Variants in PTCD2 observed in about 807,000 individuals in gnomAD.
PTCD2 encodes the protein pentatricopeptide repeat domain 2.
A neutral mutation model predicts 42.6 loss-of-function variants in PTCD2; 31 were observed. The ratio of observed to expected loss-of-function variants is 0.73; its 90% CI spans 0.55 to 0.98. The LOEUF is 0.98. PTCD2 is among the 50% of genes least tolerant of loss of function. PTCD2 has a pLI of 0.00. For synonymous variants in PTCD2, 183 were observed against 170.9 expected (o/e 1.07, Z -0.55); for missense variants, 476 against 454.8 (o/e 1.05, Z -0.42).
In PTCD2 at chr5:72,338,755, A is replaced by T. The variant is rs764196066; in HGVS notation, c.753+20A>T. 5 of 1,422,586 alleles carry T rather than the reference A, an allele frequency of 3.5e-6. No homozygotes were observed. The East Asian group carries it at 1.1e-4, about 32-fold the overall frequency. The allele number at this position is 1,422,586 out of a possible 1,614,324, so 88.1% of individuals were successfully genotyped here. A position where few individuals can be genotyped will look rare whatever the true frequency, so the allele number is the denominator to read the frequency against. On this transcript the variant is annotated intron_variant, in intron 7 of 9. Transcript: ENST00000380639. ...AATCAGGTAAAGCCTTGTGGTGTAC[A>T]TAAGTAAATTGGGAGTGGCCAGGAC...
chr5:72,335,684 T>C, intron 5 of PTCD2, 110 bp from the exon 6 acceptor site: 1 of 566,430 alleles, frequency 1.8e-6, no homozygotes. Context: ...AGGAATAGCT[T>C]TTATTTTGTT....
intron 2 of PTCD2, among the ~76,000 whole-genome samples, chr5:72,323,960 T>C (rs1751000216): frequency 6.6e-6 from 1 of 152,128 alleles, no homozygotes. Context: ...CTCCATTCCC[T>C]CACAATTCAG....
Position 72,338,715 on chromosome 5 carries a change from GT to G in PTCD2, c.734del (p.Val245GlyfsTer3). 1 of 1,608,534 alleles carries G rather than the reference GT, an allele frequency of 6.2e-7. No individual in the cohort carries two copies. Among genetic ancestry groups the G allele is most frequent in the South Asian group, 1.1e-5 (1 of 90,882 alleles). On this transcript the variant is annotated frameshift_variant, in exon 7 of 10. Coordinates refer to ENST00000380639, the MANE Select transcript of PTCD2 (RefSeq NM_024754.5). LOFTEE classifies it high-confidence loss of function. ...CTCCAGGAGAGCATCCTGTTTCGCT[GT>G]GGCATTAGCTCTGAATCAGGTAAAG... ...ILSRRASCFAVALALNQNEMA... is the reference protein window; with the variant it reads ...ILSRRASCFAXALALNQNEMA...
chr5:72,340,254 A>T (rs1400715221), intron 7 of PTCD2, among the ~76,000 whole-genome samples: 1 of 152,178 alleles, frequency 6.6e-6, no homozygotes, highest in Admixed American at 6.5e-5. Flanking sequence ...AATATAAGTA[A>T]TGGTGAAATT....
intron 1 of PTCD2, among the ~76,000 whole-genome samples, chr5:72,321,578 T>A (rs934218489): frequency 1.3e-5 from 2 of 152,238 alleles, no homozygotes; most frequent in African/African-American, 4.8e-5. Context: ...TTTTATCTCA[T>A]GCACAGCCAA....
At chr5:72,338,788 CT>C in intron 7 of PTCD2, 53 bp downstream of exon 7, 3 of 975,380 alleles carry the variant, frequency 3.1e-6, no homozygotes, top group South Asian at 2.9e-5. Flanking sequence ...GACTTCATTA[CT>C]TTTATTCGTC....
At chr5:72,336,797 G>A (rs897441830) in intron 6 of PTCD2, among the ~76,000 whole-genome samples, 1 of 151,848 alleles carries the variant, frequency 6.6e-6, no homozygotes, top group African/African-American at 2.4e-5. Context: ...AATGTTTAGT[G>A]AATGATCATT....
intron 6 of PTCD2, 64 bp downstream of exon 6, chr5:72,335,949 C>T: frequency 1.1e-6 from 1 of 879,666 alleles, no homozygotes; most frequent in South Asian, 1.6e-5. Flanking sequence ...GATTTTTCTT[C>T]TCTCTACAAA....
intron 2 of PTCD2, among the ~76,000 whole-genome samples, chr5:72,324,638 C>T (rs1400490956): frequency 2.6e-5 from 4 of 152,196 alleles, no homozygotes; most frequent in Non-Finnish European, 5.9e-5. Context: ...CTTCTGTCCA[C>T]TCTGAGTTGT....
At position 72,364,382 on chromosome 5, in the gene PTCD2, G is replaced by A. The variant is rs533602220; in HGVS notation, c.*5955G>A. 1 of 152,352 alleles carries A rather than the reference G, an allele frequency of 6.6e-6. No individual in the cohort carries two copies. Among genetic ancestry groups the A allele is most frequent in the South Asian group, 2.1e-4 (1 of 4,832 alleles). 9.4% of individuals were successfully genotyped at this position (152,352 alleles called of 1,614,324 possible). A position where few individuals can be genotyped will look rare whatever the true frequency, so the allele number is the denominator to read the frequency against. On this transcript the variant is annotated 3_prime_UTR_variant, in exon 10 of 10. Transcript: ENST00000380639. ...TAATCTTCATATCACCCTGTGGCAT[G>A]TATAAAGGAAGACCTTTTGCTGGTG... is the stretch of plus-strand genomic sequence containing the variant.
intron 9 of PTCD2, among the ~76,000 whole-genome samples, chr5:72,356,062 A>G (rs973875793): frequency 6.6e-6 from 1 of 152,126 alleles, no homozygotes; most frequent in Non-Finnish European, 1.5e-5. Context: ...GCTTCTTTCT[A>G]TTTGCAGTTT....
At chr5:72,348,310 A>C (rs956898916) in intron 8 of PTCD2, among the ~76,000 whole-genome samples, 11 of 152,266 alleles carry the variant, frequency 7.2e-5, no homozygotes, top group African/African-American at 2.7e-4. Flanking sequence ...AGATAGGCTG[A>C]GTAGTGTCTG....
rs1186945941 is a variant in PTCD2 at position 72,364,993 on chromosome 5, T to G, written c.*6566T>G. 6.6e-6 allele frequency: 1 copy of G among 152,344 alleles called. No individual in the cohort carries two copies. Among genetic ancestry groups the G allele is most frequent in the Non-Finnish European group, 1.5e-5 (1 of 68,140 alleles). The allele number at this position is 152,344 out of a possible 1,614,324, so 9.4% of individuals were successfully genotyped here. A position where few individuals can be genotyped will look rare whatever the true frequency, so the allele number is the denominator to read the frequency against. On this transcript the variant is annotated 3_prime_UTR_variant, in exon 10 of 10. Transcript: ENST00000380639. The stretch of plus-strand genomic sequence containing the variant: ...GCTGCTGAACTGCTCACCTCCCCGC[T>G]TGGCCTGCCTTGCCCAGCTGACTTT...
intron 9 of PTCD2, among the ~76,000 whole-genome samples, chr5:72,355,184 G>T (rs1176099349): frequency 2.6e-5 from 4 of 152,044 alleles, no homozygotes; most frequent in African/African-American, 4.8e-5. Context: ...AGTCCTAAAG[G>T]TTTTTTTGAT....
At chr5:72,347,150 G>A (rs536865584) in intron 8 of PTCD2, among the ~76,000 whole-genome samples, 1 of 152,126 alleles carries the variant, frequency 6.6e-6, no homozygotes, top group Admixed American at 6.5e-5. Context: ...GCAGAGTCAG[G>A]GTTTTAACAC....
chr5:72,333,995 T>C (rs1751582037), intron 4 of PTCD2, among the ~76,000 whole-genome samples: 1 of 152,156 alleles, frequency 6.6e-6, no homozygotes, highest in South Asian at 2.1e-4. Context: ...GTAGCTAGGA[T>C]TCCAGCCTTG....
At position 72,367,090 on chromosome 5, in the gene PTCD2, C is replaced by G. The variant is rs1271298653; in HGVS notation, c.*8663C>G. ...ATTCATCAAATGATAGTCAACCTTA[C>G]TGTCTCTTCCTGCCATCATCAGGAA... On this transcript the variant is annotated 3_prime_UTR_variant, in exon 10 of 10. Transcript: ENST00000380639. The G allele has an allele frequency of 1.3e-5, 2 of 152,248 alleles. No individual in the cohort carries two copies. Among genetic ancestry groups the G allele is most frequent in the Non-Finnish European group, 2.9e-5 (2 of 68,038 alleles). 9.4% of individuals were successfully genotyped at this position (152,248 alleles called of 1,614,324 possible). A position where few individuals can be genotyped will look rare whatever the true frequency, so the allele number is the denominator to read the frequency against.
chr5:72,353,331 A>G (rs1752712348), intron 9 of PTCD2, among the ~76,000 whole-genome samples: 1 of 152,214 alleles, frequency 6.6e-6, no homozygotes, highest in African/African-American at 2.4e-5. Context: ...CCTGTGGGTC[A>G]TTCTTGTCAG....
intron 5 of PTCD2, among the ~76,000 whole-genome samples, chr5:72,335,405 C>T (rs1319095982): frequency 6.7e-6 from 1 of 149,504 alleles, no homozygotes; most frequent in Non-Finnish European, 1.5e-5. Context: ...GCCGAGATTG[C>T]GCCACTGCAG....
Sources: allele counts gnomAD v4.1 joint callset (sites outside exome capture counted in the v4.1 genomes callset), GRCh38; gene constraint gnomAD v4.1.1; transcripts MANE v1.5; gene names NCBI Gene and HGNC (gene_info 2026-07-23, HGNC 2026-07-21).